The following GLIS3 variants were observed in gnomAD, a reference collection of about 807,000 sequenced individuals.
The protein encoded by GLIS3 is GLIS family zinc finger 3.
Under a neutral mutation model 78.6 loss-of-function variants are expected in GLIS3, and 53 were observed. The observed-to-expected ratio is 0.67, with a 90% CI of 0.54 to 0.85. The LOEUF is 0.85. GLIS3 is among the 40% of genes least tolerant of loss of function. GLIS3 has a pLI of 0.00. For missense variants in GLIS3, 1,703 were observed against 1,231.1 expected, an observed-to-expected ratio of 1.38 and a Z score of -5.74; for synonymous variants, 684 against 509.9, an observed-to-expected ratio of 1.34 and a Z score of -4.60.
chr9:3,920,467 C>T lies in GLIS3; in HGVS notation c.1983+11893G>A, dbSNP rs75870476. On this transcript the variant is annotated intron_variant, in intron 6 of 10. Coordinates refer to ENST00000381971, the MANE Select transcript of GLIS3 (RefSeq NM_001042413.2). ...AGGGAAATATTAATGAGGATAGAGA[C>T]GGGAGATGGGGAAAATATTATGAAG... 7.4e-3 allele frequency among the ~76,000 whole-genome samples: 1,127 copies of T among 152,052 alleles called. 13 individuals carry two copies. Among genetic ancestry groups the T allele is most frequent in the South Asian group, 0.027 (128 of 4,816 alleles).
the GLIS3 span, among the ~76,000 whole-genome samples, chr9:4,406,630 A>T: frequency 6.6e-5 from 10 of 152,320 alleles, no homozygotes; most frequent in Non-Finnish European, 1.3e-4. Context: ...AACAAACAAA[A>T]ACCAGTAGCA....
At chr9:4,480,847 A>C in the GLIS3 span, among the ~76,000 whole-genome samples, 1 of 151,630 alleles carries the variant, frequency 6.6e-6, no homozygotes, top group Non-Finnish European at 1.5e-5. Context: ...AAAAAAAAAA[A>C]AAACCCACCT....
At chr9:4,367,673 C>T in the GLIS3 span, among the ~76,000 whole-genome samples, 1 of 143,542 alleles carries the variant, frequency 7.0e-6, no homozygotes, top group Non-Finnish European at 1.5e-5. Flanking sequence ...TCTATGTGAG[C>T]AGATACTCTG....
At chr9:3,998,666 A>T (rs1171441721) in intron 4 of GLIS3, among the ~76,000 whole-genome samples, 1 of 151,406 alleles carries the variant, frequency 6.6e-6, no homozygotes, top group African/African-American at 2.4e-5. Flanking sequence ...TATGTAATCT[A>T]TTTGATATAC....
intron 4 of GLIS3, among the ~76,000 whole-genome samples, chr9:4,117,030 G>C (rs1365919665): frequency 6.6e-6 from 1 of 152,176 alleles, no homozygotes; most frequent in Non-Finnish European, 1.5e-5. Flanking sequence ...GAAACAGAGA[G>C]AGTTCCAGGA....
At chr9:3,885,586 C>A (rs1310753782) in intron 7 of GLIS3, among the ~76,000 whole-genome samples, 1 of 152,114 alleles carries the variant, frequency 6.6e-6, no homozygotes, top group African/African-American at 2.4e-5. Flanking sequence ...ATCTCTTGGG[C>A]AGTATTTCCA....
At chr9:4,265,957 C>T (rs965766669) in intron 2 of GLIS3, among the ~76,000 whole-genome samples, 4 of 151,294 alleles carry the variant, frequency 2.6e-5, no homozygotes, top group Admixed American at 6.6e-5. Context: ...CTCACTCTAT[C>T]GCCCAGGCTG....
the GLIS3 span, among the ~76,000 whole-genome samples, chr9:4,366,713 G>C: frequency 6.6e-6 from 1 of 152,216 alleles, no homozygotes; most frequent in Non-Finnish European, 1.5e-5. Flanking sequence ...GCTGGCTGGA[G>C]GCTCCAGGCC....
intron 2 of GLIS3, among the ~76,000 whole-genome samples, chr9:4,239,418 T>C (rs1823087697): frequency 6.6e-6 from 1 of 152,150 alleles, no homozygotes; most frequent in African/African-American, 2.4e-5. Context: ...GACTACTGTA[T>C]TCGTATTCCA....
chr9:4,431,934 T>A, the GLIS3 span, among the ~76,000 whole-genome samples: 1 of 152,098 alleles, frequency 6.6e-6, no homozygotes, highest in East Asian at 1.9e-4. Flanking sequence ...TCTGCCACTG[T>A]AGCACAAAAG....
At chr9:3,960,151 G>T (rs1418443353) in intron 4 of GLIS3, among the ~76,000 whole-genome samples, 1 of 152,128 alleles carries the variant, frequency 6.6e-6, no homozygotes, top group East Asian at 1.9e-4. Flanking sequence ...AAAGAAAGAG[G>T]AAATTTGAAC....
chr9:3,939,041 G>A (rs12352534), intron 4 of GLIS3, among the ~76,000 whole-genome samples: 37,247 of 152,030 alleles, frequency 0.24, 6,070 homozygotes, highest in African/African-American at 0.47. Context: ...TCTGAAGTGA[G>A]CTTGTGGTTT....
chr9:4,053,882 C>T (rs1016872689), intron 4 of GLIS3, among the ~76,000 whole-genome samples: 9 of 152,076 alleles, frequency 5.9e-5, no homozygotes, highest in Admixed American at 3.3e-4. Context: ...CCATCAAACA[C>T]GGCAATCTGT....
Position 4,257,118 on chromosome 9 carries a change from T to A in GLIS3, c.388+28920A>T, listed in dbSNP as rs773751738. On this transcript the variant is annotated intron_variant, in intron 2 of 10. Transcript: ENST00000381971. ...ATGTATGTATACCACAACTTCTTTA[T>A]CCATTTGTCTGTTGATGTGTACATA... Among the ~76,000 whole-genome samples the A allele has an allele frequency of 2.6e-5, 4 of 152,348 alleles. No individual in the cohort carries two copies. In the South Asian group the frequency reaches 6.2e-4, roughly 24 times the overall value.
chr9:3,978,786 G>A (rs566613598), intron 4 of GLIS3, among the ~76,000 whole-genome samples: 1 of 152,134 alleles, frequency 6.6e-6, no homozygotes, highest in African/African-American at 2.4e-5. Flanking sequence ...CTAAGTATCT[G>A]CATTTTTAAA....
chr9:4,463,388 A>T, the GLIS3 span, among the ~76,000 whole-genome samples: 3 of 152,090 alleles, frequency 2.0e-5, no homozygotes, highest in Non-Finnish European at 4.4e-5. Flanking sequence ...ACCTTCCTTT[A>T]TTGTTTCTCT....
At chr9:4,370,491 T>C in the GLIS3 span, among the ~76,000 whole-genome samples, 1 of 152,172 alleles carries the variant, frequency 6.6e-6, no homozygotes, top group Admixed American at 6.5e-5. Flanking sequence ...TTGGTTCCTT[T>C]CCTTCATTAT....
intron 2 of GLIS3, among the ~76,000 whole-genome samples, chr9:4,228,493 T>C (rs1347073863): frequency 2.6e-5 from 4 of 152,232 alleles, no homozygotes; most frequent in Admixed American, 2.0e-4. Context: ...CTACTTTGTA[T>C]ATAAAATCAT....
chr9:4,448,586 T>C, the GLIS3 span, among the ~76,000 whole-genome samples: 5 of 152,268 alleles, frequency 3.3e-5, no homozygotes, highest in Non-Finnish European at 7.3e-5. Flanking sequence ...CTTGTGGGCA[T>C]GCTGTGGGAT....
Sources: gnomAD v4.1 joint callset for allele counts (sites outside exome capture counted in the v4.1 genomes callset) on GRCh38, gnomAD v4.1.1 for gene constraint, MANE v1.5 for transcripts, NCBI Gene and HGNC (gene_info 2026-07-23, HGNC 2026-07-21) for gene names.